Variants in OBI1 observed in about 807,000 individuals in gnomAD.
OBI1 encodes ORC ubiquitin ligase 1.
A neutral mutation model predicts 62.4 loss-of-function variants in OBI1; 59 were observed. The ratio of observed to expected loss-of-function variants is 0.95; its 90% CI spans 0.77 to 1.17. The LOEUF is 1.17. Ranked by LOEUF, OBI1 falls within the 50% of genes most tolerant of loss-of-function variation. OBI1 has a pLI of 0.00. For missense variants in OBI1, 875 were observed against 830.9 expected (o/e 1.05, Z -0.65); for synonymous variants, 302 against 292.8 (o/e 1.03, Z -0.32).
At chr13:78,621,287 T>C (rs1875504481) in intron 5 of OBI1, among the ~76,000 whole-genome samples, 1 of 152,186 alleles carries the variant, frequency 6.6e-6, no homozygotes, top group Non-Finnish European at 1.5e-5. Context: ...CCATTATTAA[T>C]GAGTAACTGC....
chr13:78,657,357 G>A (rs749650581), intron 1 of OBI1, among the ~76,000 whole-genome samples: 1 of 151,656 alleles, frequency 6.6e-6, no homozygotes, highest in Non-Finnish European at 1.5e-5. Context: ...GAAGTAATCT[G>A]AAGACAAATG....
At position 78,614,461 on chromosome 13, in the gene OBI1, A is replaced by G. The variant is rs1354818759; in HGVS notation, c.*1119T>C. Reference sequence around the variant, plus strand: ...CGTTTAGAACAATACACTTTTTCAGAGCCTAAATTAAAAATTGTGCTTACC... The same window carrying G: ...CGTTTAGAACAATACACTTTTTCAGGGCCTAAATTAAAAATTGTGCTTACC... On this transcript the variant is annotated 3_prime_UTR_variant, in exon 6 of 6. Transcript: ENST00000282003. 1.3e-5 allele frequency: 2 copies of G among 152,638 alleles called. No homozygotes were observed. Among genetic ancestry groups the G allele is most frequent in the Non-Finnish European group, 2.9e-5 (2 of 68,046 alleles). 9.5% of individuals were successfully genotyped at this position (152,638 alleles called of 1,614,324 possible). A position where few individuals can be genotyped will look rare whatever the true frequency, so the allele number is the denominator to read the frequency against.
chr13:78,617,723 A>C (rs554106917), intron 5 of OBI1, among the ~76,000 whole-genome samples: 2 of 152,208 alleles, frequency 1.3e-5, no homozygotes, highest in East Asian at 3.9e-4. Flanking sequence ...CTGGCCTTTA[A>C]TTTATGTCAG....
At chr13:78,657,366 T>C (rs897277961) in intron 1 of OBI1, among the ~76,000 whole-genome samples, 5 of 151,060 alleles carry the variant, frequency 3.3e-5, no homozygotes, top group Non-Finnish European at 5.9e-5. Flanking sequence ...TGAAGACAAA[T>C]GGTAATAATG....
Position 78,627,461 on chromosome 13 carries a change from G to A in OBI1, c.638+7649C>T, listed in dbSNP as rs1044019344. ...CCCCTTAACGGCCCTGGTGGGTGCT[G>A]TTCCCTTCTCTGTGTCCATGTGCTC... is the stretch of plus-strand genomic sequence containing the variant. On this transcript the variant is annotated intron_variant, in intron 5 of 5. Coordinates refer to ENST00000282003, the MANE Select transcript of OBI1 (RefSeq NM_024546.4). 9.2e-5 allele frequency among the ~76,000 whole-genome samples: 14 copies of A among 152,066 alleles called. No homozygotes were observed. The South Asian group carries it at 2.3e-3, about 25-fold the overall frequency.
intron 3 of OBI1, among the ~76,000 whole-genome samples, chr13:78,640,324 A>C (rs527831959): frequency 6.6e-6 from 1 of 152,306 alleles, no homozygotes; most frequent in South Asian, 2.1e-4. Flanking sequence ...CTGTATTTGC[A>C]TATAACCTAC....
chr13:78,634,688 GAATAAT>G (rs1875966997), intron 5 of OBI1, among the ~76,000 whole-genome samples: 1 of 152,074 alleles, frequency 6.6e-6, no homozygotes, highest in Admixed American at 6.5e-5. Context: ...TGAAAATAGA[GAATAAT>G]AATAGTTCTT....
Position 78,615,779 on chromosome 13 carries a change from C to G in OBI1, c.1982G>C (p.Arg661Pro). Reference protein sequence around the residue: ...SQGILLSSSHRLFEDQRFGSS... With the variant: ...SQGILLSSSHPLFEDQRFGSS... ...CCCAAATCTTTGATCTTCAAATAGTCGATGTGAACTGCTTAACAAAATGCC... is the reference window on the plus strand; with the variant it reads ...CCCAAATCTTTGATCTTCAAATAGTGGATGTGAACTGCTTAACAAAATGCC... Residue 661 changes from arginine (R) to proline (P), a missense_variant, in exon 6 of 6, where the codon CGA (arginine) becomes CCA (proline). Arg to Pro is a moderately radical substitution (Grantham distance 103). Coordinates refer to ENST00000282003, the MANE Select transcript of OBI1 (RefSeq NM_024546.4). 1 of 1,613,674 alleles carries G rather than the reference C, an allele frequency of 6.2e-7. No homozygotes were observed. The highest frequency in any genetic ancestry group is 8.5e-7 in the Non-Finnish European group (1 of 1,179,926).
chr13:78,637,854 G>T (rs745960287), intron 4 of OBI1, among the ~76,000 whole-genome samples: 1 of 152,106 alleles, frequency 6.6e-6, no homozygotes, highest in Non-Finnish European at 1.5e-5. Flanking sequence ...TATTTTATAT[G>T]TGGAAGATGG....
At chr13:78,646,809 AAAAG>A (rs1245846841) in intron 1 of OBI1, among the ~76,000 whole-genome samples, 3 of 152,222 alleles carry the variant, frequency 2.0e-5, no homozygotes, top group Non-Finnish European at 4.4e-5. Context: ...GACTGTAGGG[AAAAG>A]AAAGAGAGAT....
At chr13:78,636,225 G>A (rs1423810502) in intron 4 of OBI1, among the ~76,000 whole-genome samples, 2 of 152,152 alleles carry the variant, frequency 1.3e-5, no homozygotes, top group Admixed American at 1.3e-4. Context: ...TGGACACACT[G>A]AAAACTAGTG....
At chr13:78,653,848 T>C (rs191165140) in intron 1 of OBI1, among the ~76,000 whole-genome samples, 10 of 152,252 alleles carry the variant, frequency 6.6e-5, no homozygotes, top group Non-Finnish European at 1.3e-4. Context: ...GTTTCTCTAG[T>C]GAAGACCTGG....
chr13:78,652,399 CA>C (rs397694037), intron 1 of OBI1, among the ~76,000 whole-genome samples: 57 of 138,430 alleles, frequency 4.1e-4, no homozygotes, highest in Admixed American at 3.6e-4. Flanking sequence ...CTTCCCAAGA[CA>C]AAAAAAAAAA....
chr13:78,656,134 C>G (rs1288405460), intron 1 of OBI1, among the ~76,000 whole-genome samples: 2 of 152,142 alleles, frequency 1.3e-5, no homozygotes, highest in East Asian at 3.9e-4. Flanking sequence ...GCCTCAATGG[C>G]TATAGTAAAA....
At chr13:78,645,043 TAGA>T in intron 1 of OBI1, 46 bp from the exon 2 acceptor site, 1 of 1,552,560 alleles carries the variant, frequency 6.4e-7, no homozygotes, top group Non-Finnish European at 8.7e-7. Context: ...CGGTCATAAT[TAGA>T]AGATCAAATG....
intron 5 of OBI1, among the ~76,000 whole-genome samples, chr13:78,623,330 CA>C (rs1358614582): frequency 9.8e-5 from 14 of 143,540 alleles, no homozygotes; most frequent in Admixed American, 8.3e-4. Context: ...GTAAGTGTAA[CA>C]AATACATCTT....
At chr13:78,634,121 C>CA (rs570807043) in intron 5 of OBI1, among the ~76,000 whole-genome samples, 1,593 of 145,068 alleles carry the variant, frequency 0.011, 20 homozygotes, top group Non-Finnish European at 0.016. Context: ...AAACAAACAA[C>CA]AAAAAAAAAC....
Position 78,615,965 on chromosome 13 carries a change from T to G in OBI1, c.1796A>C (p.Asp599Ala), listed in dbSNP as rs771979509. ...LNLSKGSLTN[D>A]QLENGSEWKP... ...CCATTCACTTCCATTTTCTAACTGA[T>G]CATTAGTTAGAGAACCTTTGGAAAG... Residue 599 changes from aspartate to alanine, a missense_variant, in exon 6 of 6, where the codon GAT (aspartate) becomes GCT (alanine). Asp to Ala is a moderately radical substitution (Grantham distance 126, BLOSUM62 -2). Coordinates refer to ENST00000282003, the MANE Select transcript of OBI1 (RefSeq NM_024546.4). 1 of 1,613,858 alleles carries G rather than the reference T, an allele frequency of 6.2e-7. No homozygotes were observed. The highest frequency in any genetic ancestry group is 8.5e-7 in the Non-Finnish European group (1 of 1,179,960).
chr13:78,618,159 T>C (rs1875380562), intron 5 of OBI1, among the ~76,000 whole-genome samples: 1 of 152,098 alleles, frequency 6.6e-6, no homozygotes, highest in South Asian at 2.1e-4. Flanking sequence ...ATAAATAACA[T>C]AATCCCGTGA....
Sources: allele counts gnomAD v4.1 joint callset (sites outside exome capture counted in the v4.1 genomes callset), GRCh38; gene constraint gnomAD v4.1.1; transcripts MANE v1.5; gene names NCBI Gene and HGNC (gene_info 2026-07-23, HGNC 2026-07-21).